Variants in KATNBL1 observed in about 807,000 individuals in gnomAD.
KATNBL1 encodes KATNB1-like protein 1.
Under a neutral mutation model 44.7 loss-of-function variants are expected in KATNBL1, and 28 were observed. The ratio of observed to expected loss-of-function variants is 0.63; its 90% CI spans 0.46 to 0.86. The LOEUF is 0.86. Among genes scored for constraint, KATNBL1 ranks in the 40% least tolerant of loss-of-function variants. The pLI is 0.00. For synonymous variants in KATNBL1, 78 were observed against 114.9 expected (o/e 0.68, Z 2.06); for missense variants, 272 against 350.7 (o/e 0.78, Z 1.79).
intron 1 of KATNBL1, among the ~76,000 whole-genome samples, chr15:34,172,256 C>CTTTTTTTTTTTTTTTT (rs59733560): frequency 4.1e-5 from 4 of 96,618 alleles, no homozygotes; most frequent in African/African-American, 3.9e-5. Context: ...GGAACATATT[C>CTTTTTTTTTTTTTTTT]TTTTTTTTTT....
At chr15:34,186,185 A>G (rs1385610797) in intron 1 of KATNBL1, among the ~76,000 whole-genome samples, 1 of 152,154 alleles carries the variant, frequency 6.6e-6, no homozygotes, top group East Asian at 1.9e-4. Context: ...GCAACTAGGT[A>G]CCATGAGTGA....
At chr15:34,184,854 T>C (rs1889676564) in intron 1 of KATNBL1, among the ~76,000 whole-genome samples, 2 of 151,972 alleles carry the variant, frequency 1.3e-5, no homozygotes, top group Admixed American at 1.3e-4. Context: ...ATTACAGGCA[T>C]GAGCCACTGT....
intron 2 of KATNBL1, among the ~76,000 whole-genome samples, chr15:34,163,032 T>C (rs565925225): frequency 1.4e-5 from 2 of 145,854 alleles, no homozygotes; most frequent in South Asian, 4.3e-4. Context: ...TGAAACAGCA[T>C]ACTGACTAAA....
chr15:34,201,799 A>G (rs1890181528), intron 1 of KATNBL1, among the ~76,000 whole-genome samples: 1 of 152,228 alleles, frequency 6.6e-6, no homozygotes, highest in Admixed American at 6.5e-5. Flanking sequence ...CCGTGGGTTC[A>G]GCATCTGTGG....
intron 1 of KATNBL1, among the ~76,000 whole-genome samples, chr15:34,204,989 G>GTTTT (rs565440431): frequency 7.3e-6 from 1 of 136,426 alleles, no homozygotes. Context: ...AAGAGGGACA[G>GTTTT]TTTTTTTTTT....
intron 1 of KATNBL1, among the ~76,000 whole-genome samples, chr15:34,207,168 CA>C (rs1265895816): frequency 2.0e-5 from 3 of 151,358 alleles, no homozygotes; most frequent in African/African-American, 7.3e-5. Flanking sequence ...GCCTCCCAAG[CA>C]GCTGTGACTA....
rs919912313 is a variant in KATNBL1, at chr15:34,193,096, G to A, written c.-15+16855C>T. On this transcript the variant is annotated intron_variant, in intron 1 of 9. Coordinates refer to ENST00000256544, the MANE Select transcript of KATNBL1 (RefSeq NM_024713.3). ...GCCGGGCGTAGTGGCGGGCGCCTGT[G>A]GTCCCAGCTACTCGGGAGGCTGAGG... Among the ~76,000 whole-genome samples the A allele has an allele frequency of 3.9e-3, 588 of 151,180 alleles. 6 individuals carry two copies. The highest frequency in any genetic ancestry group is 0.014 in the African/African-American group (569 of 41,246).
chr15:34,155,366 G>A (rs1302764878), intron 2 of KATNBL1, among the ~76,000 whole-genome samples: 4 of 152,156 alleles, frequency 2.6e-5, no homozygotes, highest in Non-Finnish European at 4.4e-5. Context: ...GTTTTAGTAA[G>A]GGCTGTTTCT....
chr15:34,201,030 T>C (rs1246736602), intron 1 of KATNBL1, among the ~76,000 whole-genome samples: 3 of 152,126 alleles, frequency 2.0e-5, no homozygotes, highest in Non-Finnish European at 2.9e-5. Context: ...TTGGCCAGAA[T>C]GGTCTCGATC....
chr15:34,178,752 T>C (rs925634668), intron 1 of KATNBL1, among the ~76,000 whole-genome samples: 14 of 29,128 alleles, frequency 4.8e-4, no homozygotes, highest in Non-Finnish European at 6.8e-4. Context: ...CAAGACTCTG[T>C]CTCAAAAAAA....
intron 1 of KATNBL1, among the ~76,000 whole-genome samples, chr15:34,173,208 G>C (rs1889225453): frequency 6.6e-6 from 1 of 151,872 alleles, no homozygotes; most frequent in Admixed American, 6.6e-5. Context: ...ATCAAACAAA[G>C]AGATAATTTA....
chr15:34,185,815 A>G (rs969285993), intron 1 of KATNBL1, among the ~76,000 whole-genome samples: 1 of 152,188 alleles, frequency 6.6e-6, no homozygotes. Flanking sequence ...GGGAGGGGTA[A>G]GAAAGAAGAG....
intron 1 of KATNBL1, among the ~76,000 whole-genome samples, chr15:34,177,385 A>G (rs570901628): frequency 4.9e-4 from 74 of 152,192 alleles, no homozygotes; most frequent in African/African-American, 1.7e-3. Context: ...TGGCTCACAC[A>G]TGTAATCCCA....
intron 1 of KATNBL1, among the ~76,000 whole-genome samples, chr15:34,164,519 T>TG (rs1555527821): frequency 8.2e-6 from 1 of 121,860 alleles, no homozygotes; most frequent in African/African-American, 3.5e-5. Flanking sequence ...CCTCTACCTT[T>TG]GAAAAAAAAA....
intron 2 of KATNBL1, among the ~76,000 whole-genome samples, chr15:34,163,308 T>C (rs1735501662): frequency 6.6e-6 from 1 of 151,988 alleles, no homozygotes; most frequent in Non-Finnish European, 1.5e-5. Flanking sequence ...CCTCCCAAAG[T>C]GCTGGAATTA....
intron 2 of KATNBL1, among the ~76,000 whole-genome samples, chr15:34,161,157 C>T (rs764798910): frequency 1.4e-4 from 22 of 152,194 alleles, no homozygotes; most frequent in Admixed American, 5.2e-4. Context: ...ACACTTTCAA[C>T]CTCCAAGATA....
At chr15:34,181,870 C>CATATATATATATATAT (rs374057022) in intron 1 of KATNBL1, among the ~76,000 whole-genome samples, 6 of 73,096 alleles carry the variant, frequency 8.2e-5, no homozygotes, top group Admixed American at 1.3e-4. Flanking sequence ...TATATATATC[C>CATATATATATATATAT]ATATATATAT....
chr15:34,158,936 C>A lies in KATNBL1; in HGVS notation c.118-4252G>T, dbSNP rs144552450. 2.7e-4 allele frequency among the ~76,000 whole-genome samples: 41 copies of A among 152,288 alleles called. No homozygotes were observed. The East Asian group carries it at 7.7e-3, about 29-fold the overall frequency. ...AGTATGACAATTAAATCTGAACACT[C>A]ATGCTCAGGTCTCTTTAAATTTGGA... On this transcript the variant is annotated intron_variant, in intron 2 of 9. Transcript: ENST00000256544.
At chr15:34,200,240 C>A (rs1255105734) in intron 1 of KATNBL1, among the ~76,000 whole-genome samples, 1 of 151,924 alleles carries the variant, frequency 6.6e-6, no homozygotes, top group Admixed American at 6.6e-5. Flanking sequence ...ATTCATCACA[C>A]CACTTTCTCT....
Sources: gnomAD v4.1 joint callset for allele counts (sites outside exome capture counted in the v4.1 genomes callset) on GRCh38, gnomAD v4.1.1 for gene constraint, MANE v1.5 for transcripts, NCBI Gene and HGNC (gene_info 2026-07-23, HGNC 2026-07-21) for gene names.